FAAH2: variants seen among roughly 807,000 people sequenced by gnomAD.
The protein encoded by FAAH2 is fatty acid amide hydrolase 2, also known as fatty-acid amide hydrolase 2.
A neutral mutation model predicts 36.9 loss-of-function variants in FAAH2; 60 were observed. The observed-to-expected ratio is 1.63, with a 90% CI of 1.32 to 2.02. The LOEUF (loss-of-function observed/expected upper bound fraction) is 2.02. Ranked by LOEUF, FAAH2 falls within the 30% of genes most tolerant of loss-of-function variation. The pLI is 0.00. For missense variants in FAAH2, 689 were observed against 397.5 expected (o/e 1.73, Z -6.23); for synonymous variants, 214 against 143.8 (o/e 1.49, Z -3.49).
intron 8 of FAAH2, among the ~76,000 whole-genome samples, chrX:57,440,443 A>G (rs1276060442): frequency 9.0e-6 from 1 of 111,193 alleles, no homozygotes; most frequent in Admixed American, 9.6e-5. Flanking sequence ...ATTTTTGCGC[A>G]TTGATTTTGT....
intron 10 of FAAH2, among the ~76,000 whole-genome samples, chrX:57,469,738 A>G (rs1023215969): frequency 8.9e-6 from 1 of 111,768 alleles, no homozygotes; most frequent in Non-Finnish European, 1.9e-5. Context: ...TCAGCTCTGC[A>G]CCAAGCGGAC....
At chrX:57,476,695 C>T (rs758070015) in intron 10 of FAAH2, among the ~76,000 whole-genome samples, 132 of 111,217 alleles carry the variant, frequency 1.2e-3, no homozygotes, top group African/African-American at 3.8e-3. Flanking sequence ...AAGATGCTGG[C>T]CTCATAAGAT....
the FAAH2 span, among the ~76,000 whole-genome samples, chrX:57,201,926 CTG>C: frequency 1.8e-5 from 2 of 111,549 alleles, no homozygotes; most frequent in Non-Finnish European, 3.8e-5. Flanking sequence ...TATTAAAAGA[CTG>C]TAATACATTC....
At chrX:57,422,236 T>C (rs1411911278) in intron 7 of FAAH2, among the ~76,000 whole-genome samples, 1 of 112,131 alleles carries the variant, frequency 8.9e-6, no homozygotes, top group Non-Finnish European at 1.9e-5. Flanking sequence ...AGGATCCATC[T>C]GTTTTCTGCA....
At chrX:57,373,639 A>G (rs1324238218) in intron 5 of FAAH2, among the ~76,000 whole-genome samples, 6 of 111,335 alleles carry the variant, frequency 5.4e-5, no homozygotes, top group Non-Finnish European at 9.4e-5. Context: ...TGGCAGATGT[A>G]TAGACTGTGG....
chrX:57,466,156 C>CTCTCTCTCTCTCTA (rs1287266105), intron 10 of FAAH2, among the ~76,000 whole-genome samples: 5 of 66,392 alleles, frequency 7.5e-5, no homozygotes, highest in African/African-American at 1.8e-4. Context: ...CTCTCTCTCT[C>CTCTCTCTCTCTCTA]TATATATATA....
chrX:57,126,651 T>A, the FAAH2 span, among the ~76,000 whole-genome samples: 1 of 111,885 alleles, frequency 8.9e-6, no homozygotes, highest in Non-Finnish European at 1.9e-5. Context: ...ATTTTGTACA[T>A]GTAGGTGGTC....
upstream of FAAH2, among the ~76,000 whole-genome samples, chrX:57,283,650 G>A (rs2499551): frequency 0.077 from 7,467 of 97,202 alleles, 627 homozygotes; most frequent in African/African-American, 0.26. Flanking sequence ...TTGGGGCCCT[G>A]CTTGGTGAAG....
intron 7 of FAAH2, among the ~76,000 whole-genome samples, chrX:57,416,739 TG>T (rs1240457094): frequency 3.6e-5 from 4 of 111,639 alleles, no homozygotes; most frequent in Non-Finnish European, 7.5e-5. Context: ...ATCTTTGTGG[TG>T]GTCTCTGTAT....
At chrX:57,449,119 C>A (rs774426191) in intron 10 of FAAH2, among the ~76,000 whole-genome samples, 1 of 112,037 alleles carries the variant, frequency 8.9e-6, no homozygotes, top group East Asian at 2.8e-4. Flanking sequence ...TCCAAGGGAT[C>A]ATTTACTTGA....
the FAAH2 span, among the ~76,000 whole-genome samples, chrX:57,163,284 TA>T: frequency 8.9e-6 from 1 of 112,141 alleles, no homozygotes; most frequent in Non-Finnish European, 1.9e-5. Flanking sequence ...CAGGGACATT[TA>T]AGTCTGCAGA....
At chrX:57,258,598 C>A in the FAAH2 span, among the ~76,000 whole-genome samples, 1 of 110,418 alleles carries the variant, frequency 9.1e-6, no homozygotes, top group Non-Finnish European at 1.9e-5. Context: ...AACTTAAAAA[C>A]AAAAAAGAAA....
At position 57,344,787 on chromosome X, in the gene FAAH2, A is replaced by G. The variant is rs779405658; in HGVS notation, c.742+3397A>G. Among the ~76,000 whole-genome samples, 3 of 111,378 alleles carry G rather than the reference A, an allele frequency of 2.7e-5. No individual in the cohort carries two copies. In the South Asian group the frequency reaches 1.1e-3, roughly 42 times the overall value. ...TGATGACTATTCTTCTAAGGTTTTTATCATGAAGGAATGTTTGATTTTATT... is the reference window on the plus strand; with the variant it reads ...TGATGACTATTCTTCTAAGGTTTTTGTCATGAAGGAATGTTTGATTTTATT... On this transcript the variant is annotated intron_variant, in intron 5 of 10. Coordinates refer to ENST00000374900, the MANE Select transcript of FAAH2 (RefSeq NM_174912.4).
the FAAH2 span, among the ~76,000 whole-genome samples, chrX:57,227,692 G>A: frequency 9.0e-6 from 1 of 111,306 alleles, no homozygotes. Context: ...ACTGGTGGTG[G>A]ATAGGGCCCT....
chrX:57,222,132 C>T, the FAAH2 span, among the ~76,000 whole-genome samples: 2 of 111,610 alleles, frequency 1.8e-5, no homozygotes, highest in African/African-American at 3.3e-5. Flanking sequence ...CATATCCCTC[C>T]TCCAGTCCCT....
intron 2 of FAAH2, among the ~76,000 whole-genome samples, chrX:57,307,724 A>G (rs1335404716): frequency 9.0e-6 from 1 of 111,018 alleles, no homozygotes; most frequent in Non-Finnish European, 1.9e-5. Context: ...TGGGATGCAA[A>G]TGATCCCATC....
chrX:57,333,855 T>C (rs1250127869), intron 4 of FAAH2, among the ~76,000 whole-genome samples: 1 of 111,354 alleles, frequency 9.0e-6, no homozygotes, highest in Non-Finnish European at 1.9e-5. Flanking sequence ...GCAATAAATG[T>C]TTGAAAAAAA....
chrX:57,228,683 C>A, the FAAH2 span, among the ~76,000 whole-genome samples: 27 of 111,460 alleles, frequency 2.4e-4, no homozygotes, highest in Middle Eastern at 0.019. Context: ...TTTAAAATAC[C>A]ATTTACTTCC....
the FAAH2 span, among the ~76,000 whole-genome samples, chrX:57,261,720 T>A: frequency 9.1e-6 from 1 of 110,379 alleles, no homozygotes; most frequent in African/African-American, 3.3e-5. Flanking sequence ...GTTATGAATA[T>A]ATTTGTTATC....
Sources: gnomAD v4.1 joint callset for allele counts (sites outside exome capture counted in the v4.1 genomes callset) on GRCh38, gnomAD v4.1.1 for gene constraint, MANE v1.5 for transcripts, NCBI Gene and HGNC (gene_info 2026-07-23, HGNC 2026-07-21) for gene names.